ZNF438: variants seen among roughly 807,000 people sequenced by gnomAD.
The protein encoded by ZNF438 is zinc finger protein 438.
ZNF438 carries 25 observed loss-of-function variants against 38.0 expected under a neutral mutation model. That is an observed-to-expected ratio of 0.66 (90% CI 0.48 to 0.92). The LOEUF is 0.92. ZNF438 is among the 40% of genes least tolerant of loss of function. The probability of loss-of-function intolerance (pLI) is 0.00; values close to 1 mark genes in which losing one functional copy is unlikely to be tolerated. For missense variants in ZNF438, 1,007 were observed against 999.6 expected, an observed-to-expected ratio of 1.01 and a Z score of -0.10; for synonymous variants, 372 against 364.1, an observed-to-expected ratio of 1.02 and a Z score of -0.25.
intron 3 of ZNF438, among the ~76,000 whole-genome samples, chr10:30,880,855 C>T (rs1373804985): frequency 6.6e-6 from 1 of 151,938 alleles, no homozygotes; most frequent in Non-Finnish European, 1.5e-5. Context: ...TGCAATTTAC[C>T]ATCTTAATGT....
At chr10:30,911,240 A>G (rs2134564936) in intron 2 of ZNF438, among the ~76,000 whole-genome samples, 1 of 152,250 alleles carries the variant, frequency 6.6e-6, no homozygotes, top group East Asian at 1.9e-4. Context: ...CACTTCTCTC[A>G]CCATTTATTT....
chr10:31,006,771 C>CGG (rs1199655042), intron 1 of ZNF438, among the ~76,000 whole-genome samples: 1 of 2,452 alleles, frequency 4.1e-4, no homozygotes, highest in Admixed American at 5.4e-3. Context: ...GTGTGGTTGG[C>CGG]GGGGGGCGGG....
intron 2 of ZNF438, among the ~76,000 whole-genome samples, chr10:30,921,423 TAA>T (rs746680444): frequency 2.0e-5 from 3 of 152,224 alleles, no homozygotes; most frequent in Non-Finnish European, 4.4e-5. Flanking sequence ...ATCCTTTTCT[TAA>T]AAGTCTTTTA....
chr10:30,895,569 G>A (rs2041219855), intron 3 of ZNF438, among the ~76,000 whole-genome samples: 1 of 152,048 alleles, frequency 6.6e-6, no homozygotes, highest in Non-Finnish European at 1.5e-5. Flanking sequence ...AGAGTGAAAA[G>A]GCAACTTATA....
intron 1 of ZNF438, among the ~76,000 whole-genome samples, chr10:30,970,605 T>C (rs1234863277): frequency 2.0e-5 from 3 of 152,166 alleles, no homozygotes; most frequent in African/African-American, 7.2e-5. Context: ...AACTCCAAAA[T>C]CAGCATATAC....
Position 30,919,028 on chromosome 10 carries a change from T to G in ZNF438, c.-114-10013A>C, listed in dbSNP as rs61302702. 1.1e-3 allele frequency: 168 copies of G among 152,352 alleles called. 1 individual carries two copies. The highest frequency in any genetic ancestry group is 4.0e-3 in the African/African-American group (165 of 41,588). 9.4% of individuals were successfully genotyped at this position (152,352 alleles called of 1,614,324 possible). ...GCTCTTAGATAAAATTTAAGCTCTT[T>G]GTCTTCTGCTAGAGACAGAACTGTA... On this transcript the variant is annotated intron_variant, in intron 2 of 5. Transcript: ENST00000413025.
chr10:30,885,027 T>C (rs2039770929), intron 3 of ZNF438, among the ~76,000 whole-genome samples: 1 of 152,376 alleles, frequency 6.6e-6, no homozygotes, highest in Admixed American at 6.5e-5. Flanking sequence ...AGAGTTGCGA[T>C]GTAGATGTCA....
chr10:30,929,786 C>T (rs1461700229), intron 2 of ZNF438, among the ~76,000 whole-genome samples: 1 of 152,218 alleles, frequency 6.6e-6, no homozygotes, highest in African/African-American at 2.4e-5. Flanking sequence ...AATCCTCCAG[C>T]TAGACATAAA....
At chr10:30,849,199 T>C (rs757329368) in exon 5 of ZNF438, 1 of 1,614,074 alleles carries the variant, frequency 6.2e-7, no homozygotes, top group South Asian at 1.1e-5. Context: ...TAATGATATA[T>C]TTCCTCCTTT....
At chr10:30,885,116 C>A (rs1331410268) in intron 3 of ZNF438, among the ~76,000 whole-genome samples, 2 of 152,180 alleles carry the variant, frequency 1.3e-5, no homozygotes, top group Non-Finnish European at 2.9e-5. Flanking sequence ...TACTGTCATT[C>A]AGATAAATGC....
intron 1 of ZNF438, among the ~76,000 whole-genome samples, chr10:30,968,735 C>G (rs1416029538): frequency 6.6e-6 from 1 of 152,036 alleles, no homozygotes; most frequent in African/African-American, 2.4e-5. Flanking sequence ...AGCCACCGTG[C>G]CCAGCCTCTG....
At chr10:31,005,271 ATGTG>A (rs965494431) in intron 1 of ZNF438, among the ~76,000 whole-genome samples, 5 of 152,058 alleles carry the variant, frequency 3.3e-5, no homozygotes, top group African/African-American at 9.7e-5. Context: ...GTGTGTACAT[ATGTG>A]TGTGTGTATA....
At chr10:30,860,630 C>T (rs1226771324) in intron 4 of ZNF438, among the ~76,000 whole-genome samples, 1 of 152,206 alleles carries the variant, frequency 6.6e-6, no homozygotes, top group Non-Finnish European at 1.5e-5. Flanking sequence ...TTGCCAGGCT[C>T]TTTGATTCCC....
At chr10:30,901,983 G>C (rs951886792) in intron 3 of ZNF438, among the ~76,000 whole-genome samples, 1 of 151,742 alleles carries the variant, frequency 6.6e-6, no homozygotes, top group Admixed American at 6.6e-5. Flanking sequence ...GTGGGTTCGT[G>C]ATCTGGCTGG....
At chr10:30,965,744 C>T (rs1031975661) in intron 1 of ZNF438, among the ~76,000 whole-genome samples, 4 of 151,868 alleles carry the variant, frequency 2.6e-5, no homozygotes, top group East Asian at 1.9e-4. Flanking sequence ...CAATAGACAC[C>T]GGGGACTACT....
intron 1 of ZNF438, among the ~76,000 whole-genome samples, chr10:30,959,142 T>A (rs2049185041): frequency 6.8e-6 from 1 of 147,460 alleles, no homozygotes; most frequent in African/African-American, 2.4e-5. Context: ...TCAGTTTGGC[T>A]GGACCACAGC....
chr10:30,998,456 T>A (rs2132721754), intron 1 of ZNF438, among the ~76,000 whole-genome samples: 1 of 141,176 alleles, frequency 7.1e-6, no homozygotes, highest in South Asian at 2.3e-4. Context: ...GGCAGGAGAA[T>A]GGCGTGAACC....
At chr10:30,941,357 C>G (rs996361907) in intron 2 of ZNF438, among the ~76,000 whole-genome samples, 1 of 152,146 alleles carries the variant, frequency 6.6e-6, no homozygotes, top group African/African-American at 2.4e-5. Context: ...CAGGCATGAG[C>G]CACCATGCCT....
intron 3 of ZNF438, among the ~76,000 whole-genome samples, chr10:30,880,993 G>C (rs918055070): frequency 5.9e-5 from 9 of 152,002 alleles, no homozygotes; most frequent in African/African-American, 1.4e-4. Flanking sequence ...TCCTCACTCT[G>C]GTGAAACACA....
Sources: gnomAD v4.1 joint callset for allele counts (sites outside exome capture counted in the v4.1 genomes callset) on GRCh38, gnomAD v4.1.1 for gene constraint, MANE v1.5 for transcripts, NCBI Gene and HGNC (gene_info 2026-07-23, HGNC 2026-07-21) for gene names.